The following EIF3D variants were observed in gnomAD, a reference collection of about 807,000 sequenced individuals.
The protein encoded by EIF3D is eukaryotic translation initiation factor 3 subunit D.
Under a neutral mutation model 75.4 loss-of-function variants are expected in EIF3D, and 10 were observed. The observed-to-expected ratio is 0.13, with a 90% CI of 0.08 to 0.22. The LOEUF is 0.22. Ranked by LOEUF, EIF3D falls within the 10% of genes least tolerant of loss-of-function variation. The pLI is 1.00. For synonymous variants in EIF3D, 246 were observed against 248.3 expected (o/e 0.99, Z 0.09); for missense variants, 394 against 708.0 (o/e 0.56, Z 5.03).
At chr22:36,516,837 G>A (rs768458834) in intron 10 of EIF3D, 47 bp from the exon 11 acceptor site, 2 of 1,554,454 alleles carry the variant, frequency 1.3e-6, no homozygotes, top group Admixed American at 3.3e-5. Flanking sequence ...TTGTTGACAA[G>A]GCCAAGGCCA....
In EIF3D at chr22:36,510,938, G is replaced by A. The variant is rs1934322602; in HGVS notation, c.*49C>T. ...ACACACATTCCACTAAGCATCAAAG[G>A]CCCTCGTAGTCTCGGTGGAAGGACA... On this transcript the variant is annotated 3_prime_UTR_variant, in exon 15 of 15. Transcript: ENST00000216190. 1 of 1,577,380 alleles carries A rather than the reference G, an allele frequency of 6.3e-7. No homozygotes were observed. Among genetic ancestry groups the A allele is most frequent in the Non-Finnish European group, 8.6e-7 (1 of 1,166,772 alleles).
intron 10 of EIF3D, 138 bp from the exon 11 acceptor site, chr22:36,516,928 C>A (rs1363363195): frequency 6.5e-6 from 5 of 767,168 alleles, no homozygotes; most frequent in Non-Finnish European, 1.1e-5. Context: ...GAGCTCGCTG[C>A]CTGTTTTGTG....
chr22:36,518,821 A>C lies in EIF3D; in HGVS notation c.801T>G (p.Ile267Met). 4 of 1,614,244 alleles carry C rather than the reference A, an allele frequency of 2.5e-6. 1 individual carries two copies. In the South Asian group the frequency reaches 3.3e-5, roughly 13 times the overall value. Residue 267 changes from isoleucine to methionine, a missense_variant, in exon 9 of 15, where the codon ATT becomes ATG. Transcript: ENST00000216190. ...GTTTGGACCCAACTCTCTGGACGACAATATCCCAGGAATACACTGAGCGGG... is the reference window on the plus strand; with the variant it reads ...GTTTGGACCCAACTCTCTGGACGACCATATCCCAGGAATACACTGAGCGGG... ...SCTRSVYSWD[I>M]VVQRVGSKLF... is the part of the protein sequence containing the mutation.
At chr22:36,516,097 G>A (rs57935637) in intron 12 of EIF3D, 2,669 of 172,514 alleles carry the variant, frequency 0.015, 78 homozygotes, top group African/African-American at 0.061. Context: ...AAAGAAGAGC[G>A]GCCAGACTTA....
At position 36,511,504 on chromosome 22, in the gene EIF3D, T is replaced by A. The variant is rs1681907229; in HGVS notation, c.1632A>T (p.Glu544Asp). 4 of 1,613,766 alleles carry A rather than the reference T, an allele frequency of 2.5e-6. No individual in the cohort carries two copies. Among genetic ancestry groups the A allele is most frequent in the Non-Finnish European group, 2.5e-6 (3 of 1,179,988 alleles). ...CTCAGAAAGTGGGCTGCTACACACC[T>A]TCTTCTTCCTCTTCTTCCTCCTCCT... Reference protein sequence around the residue: ...EEEEEEEEEEEEEET With the variant: ...EEEEEEEEEEDEEET Residue 544 changes from glutamate to aspartate, a missense_variant and splice_region_variant, in exon 14 of 15, where the codon GAA (glutamate) becomes GAT (aspartate). Physicochemically the swap from Glu to Asp is conservative, Grantham distance 45. Coordinates refer to ENST00000216190, the MANE Select transcript of EIF3D (RefSeq NM_003753.4).
At chr22:36,523,311 A>G (rs62230012) in intron 5 of EIF3D, 30 bp from the exon 6 acceptor site, 44,569 of 1,584,202 alleles carry the variant, frequency 0.028, 719 homozygotes, top group Non-Finnish European at 0.033. Flanking sequence ...ATCTCAGTGC[A>G]GACCTTTAAA....
intron 6 of EIF3D, 77 bp from the exon 7 acceptor site, chr22:36,520,765 G>A: frequency 9.7e-7 from 1 of 1,031,528 alleles, no homozygotes; most frequent in Non-Finnish European, 1.4e-6. Flanking sequence ...CTAAAAATAT[G>A]AAGAGCTGGC....
chr22:36,523,317 T>A (rs773901774), intron 5 of EIF3D, 36 bp from the exon 6 acceptor site: 3 of 1,549,270 alleles, frequency 1.9e-6, no homozygotes, highest in Non-Finnish European at 2.7e-6. Context: ...GTGCAGACCT[T>A]TAAACCAGTG....
intron 12 of EIF3D, among the ~76,000 whole-genome samples, chr22:36,514,580 GC>G (rs1170222548): frequency 1.3e-5 from 2 of 152,288 alleles, no homozygotes; most frequent in East Asian, 3.9e-4. Context: ...GATCTGATGT[GC>G]TGTTGCTATC....
At chr22:36,519,273 G>A (rs547342389) in intron 8 of EIF3D, 132 bp downstream of exon 8, 20 of 1,318,480 alleles carry the variant, frequency 1.5e-5, no homozygotes, top group Middle Eastern at 2.8e-4. Context: ...CCACATTTCC[G>A]GTCTACCTGG....
At chr22:36,511,913 C>CG in intron 13 of EIF3D, 127 bp from the exon 14 acceptor site, 1 of 1,059,996 alleles carries the variant, frequency 9.4e-7, no homozygotes, top group Middle Eastern at 3.3e-4. Context: ...TTTTTTGAGA[C>CG]GGAGTCTGGC....
At chr22:36,523,076 CAGA>C (rs1281080775) in intron 6 of EIF3D, 130 bp downstream of exon 6, 1 of 763,346 alleles carries the variant, frequency 1.3e-6, no homozygotes, top group East Asian at 2.6e-5. Context: ...TGACCAGTTA[CAGA>C]ACTCTTCAAA....
intron 7 of EIF3D, 35 bp downstream of exon 7, chr22:36,520,541 G>A (rs1240988539): frequency 1.4e-6 from 2 of 1,445,476 alleles, no homozygotes; most frequent in Admixed American, 1.7e-5. Context: ...ACACACATAA[G>A]AGCAGTGTAG....
intron 9 of EIF3D, 35 bp from the exon 10 acceptor site, chr22:36,517,466 C>A (rs776129816): frequency 6.3e-7 from 1 of 1,588,434 alleles, no homozygotes; most frequent in Non-Finnish European, 8.6e-7. Context: ...CACCATGCAA[C>A]AAAGAGTCAC....
At position 36,523,296 on chromosome 22, in the gene EIF3D, A is replaced by G. The variant is rs8140240; in HGVS notation, c.393-15T>C. On this transcript the variant is annotated splice_polypyrimidine_tract_variant and intron_variant, in intron 5 of 14. Transcript: ENST00000216190. ...GAATGCGTTCTCTGGAAAGACAGAC[A>G]TATGATCTCAGTGCAGACCTTTAAA... 110,614 of 1,608,506 alleles carry G rather than the reference A, an allele frequency of 0.069. 4,219 individuals are homozygous for G. Among genetic ancestry groups the G allele is most frequent in the African/African-American group, 0.14 (10,851 of 74,852 alleles).
intron 8 of EIF3D, 95 bp downstream of exon 8, chr22:36,519,309 AC>A (rs1307673552): frequency 1.3e-6 from 2 of 1,538,102 alleles, no homozygotes; most frequent in Non-Finnish European, 1.8e-6. Flanking sequence ...TATAATACAT[AC>A]GTTATTCCCA....
intron 13 of EIF3D, 51 bp from the exon 14 acceptor site, chr22:36,511,837 C>G (rs1277772290): frequency 6.3e-7 from 1 of 1,584,236 alleles, no homozygotes; most frequent in Non-Finnish European, 8.6e-7. Context: ...ACAGAGACAG[C>G]AACACTTGGG....
chr22:36,526,613 C>CTTTTTTTTTTTTTTTTTT (rs542035473), intron 1 of EIF3D, among the ~76,000 whole-genome samples: 1 of 145,734 alleles, frequency 6.9e-6, no homozygotes, highest in African/African-American at 2.5e-5. Context: ...TTCTTTCTTT[C>CTTTTTTTTTTTTTTTTTT]TTTTTTTTTT....
Position 36,518,758 on chromosome 22 carries a change from C to T in EIF3D, c.859+5G>A, listed in dbSNP as rs1200641589. 6.2e-7 allele frequency: 1 copy of T among 1,614,034 alleles called. No individual in the cohort carries two copies. Among genetic ancestry groups the T allele is most frequent in the Non-Finnish European group, 8.5e-7 (1 of 1,180,014 alleles). ...TTTGAGTTGCTCCCCAGGCACGCTTCTTACCAAAGTCAGAGTTGTCTCTCT... is the reference window on the plus strand; with the variant it reads ...TTTGAGTTGCTCCCCAGGCACGCTTTTTACCAAAGTCAGAGTTGTCTCTCT... On this transcript the variant is annotated splice_donor_5th_base_variant and intron_variant, in intron 9 of 14. Coordinates refer to ENST00000216190, the MANE Select transcript of EIF3D (RefSeq NM_003753.4).
Sources: gnomAD v4.1 joint callset for allele counts (sites outside exome capture counted in the v4.1 genomes callset) on GRCh38, gnomAD v4.1.1 for gene constraint, MANE v1.5 for transcripts, NCBI Gene and HGNC (gene_info 2026-07-23, HGNC 2026-07-21) for gene names.